The following GAN variants were observed in gnomAD, a reference collection of about 807,000 sequenced individuals.
GAN encodes gigaxonin.
GAN carries 48 observed loss-of-function variants against 71.3 expected under a neutral mutation model. That is an observed-to-expected ratio of 0.67 (90% CI 0.53 to 0.86). GAN has a LOEUF of 0.86. GAN is among the 40% of genes least tolerant of loss of function. GAN has a pLI of 0.00. For synonymous variants in GAN, 386 were observed against 276.8 expected (o/e 1.39, Z -3.92); for missense variants, 928 against 770.1 (o/e 1.21, Z -2.43).
chr16:81,350,684 G>A (rs932714854), intron 1 of GAN, among the ~76,000 whole-genome samples: 10 of 151,884 alleles, frequency 6.6e-5, no homozygotes, highest in East Asian at 3.9e-4. Context: ...ACTCCCAGTC[G>A]ATGTTTGCAT....
intron 1 of GAN, among the ~76,000 whole-genome samples, chr16:81,347,575 G>C (rs1042501203): frequency 2.6e-5 from 4 of 152,118 alleles, no homozygotes; most frequent in Non-Finnish European, 4.4e-5. Context: ...TCCCGAGAAA[G>C]GTTGCATGGG....
intron 9 of GAN, 143 bp from the exon 10 acceptor site, chr16:81,377,076 T>C: frequency 1.3e-6 from 1 of 758,082 alleles, no homozygotes; most frequent in Non-Finnish European, 2.5e-6. Flanking sequence ...ATGTCGGTGG[T>C]TACCTGGCAG....
chr16:81,343,535 G>C (rs1910016035), intron 1 of GAN, among the ~76,000 whole-genome samples: 1 of 152,178 alleles, frequency 6.6e-6, no homozygotes, highest in Non-Finnish European at 1.5e-5. Flanking sequence ...TATCTCAACA[G>C]ATGTAGAAAA....
chr16:81,347,850 A>T (rs116665285), intron 1 of GAN, among the ~76,000 whole-genome samples: 93 of 152,036 alleles, frequency 6.1e-4, no homozygotes, highest in African/African-American at 2.2e-3. Context: ...TATTATGATG[A>T]TGTGCTCTGG....
At chr16:81,327,785 A>C (rs1036391160) in intron 1 of GAN, among the ~76,000 whole-genome samples, 2 of 150,406 alleles carry the variant, frequency 1.3e-5, no homozygotes, top group African/African-American at 5.0e-5. Flanking sequence ...GGAAACTTGT[A>C]AGAGTGCTCC....
At chr16:81,336,181 A>T (rs1229012570) in intron 1 of GAN, among the ~76,000 whole-genome samples, 1 of 152,146 alleles carries the variant, frequency 6.6e-6, no homozygotes, top group Admixed American at 6.5e-5. Flanking sequence ...GGCCCCTGGC[A>T]CCCAGTCCAC....
At chr16:81,365,300 A>G in intron 8 of GAN, 50 bp from the exon 9 acceptor site, 1 of 1,612,314 alleles carries the variant, frequency 6.2e-7, no homozygotes, top group Non-Finnish European at 8.5e-7. Context: ...CGGGAGTGAG[A>G]TCTCGCATTG....
Position 81,354,274 on chromosome 16 carries a change from T to C in GAN, c.283-131T>C, listed in dbSNP as rs139787532. ...AAAAAAAATGCTGGGTTAAACCATA[T>C]GAAATTGCCAATATTCGATTATCTT... On this transcript the variant is annotated intron_variant, in intron 2 of 10. Transcript: ENST00000648994. 450 of 690,136 alleles carry C rather than the reference T, an allele frequency of 6.5e-4. 2 individuals are homozygous for C. In the African/African-American group the frequency reaches 7.4e-3, roughly 11 times the overall value. 42.8% of individuals were successfully genotyped at this position (690,136 alleles called of 1,614,324 possible). A position where few individuals can be genotyped will look rare whatever the true frequency, so the allele number is the denominator to read the frequency against.
chr16:81,322,773 G>A (rs1482410928), intron 1 of GAN, among the ~76,000 whole-genome samples: 1 of 152,108 alleles, frequency 6.6e-6, no homozygotes, highest in Non-Finnish European at 1.5e-5. Context: ...ATAGTAAATG[G>A]TTTAGTATTA....
At chr16:81,340,734 C>T (rs141132994) in intron 1 of GAN, among the ~76,000 whole-genome samples, 3 of 129,692 alleles carry the variant, frequency 2.3e-5, no homozygotes, top group East Asian at 4.0e-4. Flanking sequence ...TACCTCTTCT[C>T]CTCCAAAGGA....
intron 4 of GAN, 83 bp downstream of exon 4, chr16:81,357,085 A>G (rs571583640): frequency 1.6e-5 from 14 of 898,718 alleles, no homozygotes; most frequent in South Asian, 1.4e-4. Flanking sequence ...AATGCTTTTC[A>G]GTATCTAAAA....
chr16:81,339,791 C>T (rs1282936022), intron 1 of GAN, among the ~76,000 whole-genome samples: 4 of 152,032 alleles, frequency 2.6e-5, no homozygotes, highest in South Asian at 2.1e-4. Context: ...CTTTCAAAGA[C>T]GGGTGGGAAT....
chr16:81,349,583 G>A (rs984925294), intron 1 of GAN, among the ~76,000 whole-genome samples: 2 of 152,188 alleles, frequency 1.3e-5, no homozygotes, highest in Non-Finnish European at 2.9e-5. Context: ...GGAGGAGGTT[G>A]TAGTGAGCCA....
rs2150704186 is a variant in GAN at position 81,387,420 on chromosome 16, TG to T, written c.*9825del. ...CCTGATTGTTGTCATGGTTTTGTCT[TG>T]TCCTCCTCCCTGGTGAAAGTCTACT... On this transcript the variant is annotated 3_prime_UTR_variant, in exon 11 of 11. Coordinates refer to ENST00000648994, the MANE Select transcript of GAN (RefSeq NM_022041.4). 1 of 152,358 alleles carries T rather than the reference TG, an allele frequency of 6.6e-6. No homozygotes were observed. The highest frequency in any genetic ancestry group is 1.9e-4 in the East Asian group (1 of 5,170). 9.4% of individuals were successfully genotyped at this position (152,358 alleles called of 1,614,324 possible). A position where few individuals can be genotyped will look rare whatever the true frequency, so the allele number is the denominator to read the frequency against.
rs546291716 is a variant in GAN at position 81,365,221 on chromosome 16, C to T, written c.1373+111C>T. The T allele has an allele frequency of 2.5e-4, 383 of 1,561,398 alleles. 3 individuals are homozygous for T. The African/African-American group carries it at 4.9e-3, about 20-fold the overall frequency. On this transcript the variant is annotated intron_variant, in intron 8 of 10. Coordinates refer to ENST00000648994, the MANE Select transcript of GAN (RefSeq NM_022041.4). ...TCTTTCAGAGTAACCTTTTCTTTGA[C>T]TTGGCATTTCCTGAGAAAGGAAGGC...
intron 1 of GAN, among the ~76,000 whole-genome samples, chr16:81,337,528 C>T (rs1316102398): frequency 6.6e-6 from 1 of 152,194 alleles, no homozygotes; most frequent in Non-Finnish European, 1.5e-5. Flanking sequence ...AGGCCTATTA[C>T]CTGGGTGGTT....
chr16:81,331,597 C>G (rs1325416827), intron 1 of GAN, among the ~76,000 whole-genome samples: 1 of 152,148 alleles, frequency 6.6e-6, no homozygotes, highest in African/African-American at 2.4e-5. Flanking sequence ...AAGGCAAAGT[C>G]CAAGTTTGCT....
intron 1 of GAN, among the ~76,000 whole-genome samples, chr16:81,342,096 A>G (rs1487093501): frequency 2.0e-5 from 3 of 152,228 alleles, no homozygotes; most frequent in Non-Finnish European, 4.4e-5. Context: ...TCCTAAATAC[A>G]TATCCACCCA....
chr16:81,383,688 C>T lies in GAN; in HGVS notation c.*6092C>T, dbSNP rs913832897. On this transcript the variant is annotated 3_prime_UTR_variant, in exon 11 of 11. Transcript: ENST00000648994. ...GTTGTTGAGCTTCCTTCTGTGCACA[C>T]ATTGAAAGAAAACCAGAAATTGTAC... The T allele has an allele frequency of 2.6e-5, 4 of 151,886 alleles. No individual in the cohort carries two copies. The highest frequency in any genetic ancestry group is 9.7e-5 in the African/African-American group (4 of 41,322). The allele number at this position is 151,886 out of a possible 1,614,324, so 9.4% of individuals were successfully genotyped here.
Sources: allele counts gnomAD v4.1 joint callset (sites outside exome capture counted in the v4.1 genomes callset), GRCh38; gene constraint gnomAD v4.1.1; transcripts MANE v1.5; gene names NCBI Gene and HGNC (gene_info 2026-07-23, HGNC 2026-07-21).